ZFHX3: variants seen among roughly 807,000 people sequenced by gnomAD.
ZFHX3 encodes the protein zinc finger homeobox protein 3.
In ZFHX3, 42 loss-of-function variants were observed where a neutral mutation model predicts 279.1. The ratio of observed to expected loss-of-function variants is 0.15; its 90% confidence interval spans 0.12 to 0.19. The LOEUF is 0.19. Ranked by LOEUF, ZFHX3 falls within the 10% of genes least tolerant of loss-of-function variation. ZFHX3 has a pLI of 1.00. For synonymous variants in ZFHX3, 2,293 were observed against 1,957.8 expected, an observed-to-expected ratio of 1.17 and a Z score of -4.52; for missense variants, 4,981 against 4,754.0, an observed-to-expected ratio of 1.05 and a Z score of -1.40.
intron 8 of ZFHX3, among the ~76,000 whole-genome samples, chr16:73,074,567 G>GGATAATGAGAAT (rs1243440872): frequency 6.6e-6 from 1 of 152,108 alleles, no homozygotes; most frequent in Non-Finnish European, 1.5e-5. Flanking sequence ...GGGGAAGAGA[G>GGATAATGAGAAT]GATAATGAGA....
intron 3 of ZFHX3, among the ~76,000 whole-genome samples, chr16:73,375,924 G>T (rs548971396): frequency 6.6e-6 from 1 of 152,242 alleles, no homozygotes; most frequent in African/African-American, 2.4e-5. Context: ...TGGATACACC[G>T]TTGGGTTCAT....
intron 4 of ZFHX3, among the ~76,000 whole-genome samples, chr16:73,273,148 G>C (rs1004816174): frequency 2.2e-4 from 33 of 152,154 alleles, no homozygotes; most frequent in African/African-American, 7.7e-4. Flanking sequence ...AAACTGATAA[G>C]GGTGTTCTAA....
intron 1 of ZFHX3, among the ~76,000 whole-genome samples, chr16:73,028,675 G>A (rs1038466462): frequency 1.3e-5 from 2 of 152,186 alleles, no homozygotes; most frequent in Non-Finnish European, 1.5e-5. Flanking sequence ...GACCCCCACT[G>A]GTGGCTCTCC....
chr16:73,543,132 C>A (rs111458744), intron 2 of ZFHX3, among the ~76,000 whole-genome samples: 2,180 of 152,224 alleles, frequency 0.014, 57 homozygotes, highest in African/African-American at 0.049. Flanking sequence ...TCTAACAGAG[C>A]GCACACAGGT....
At chr16:73,560,755 G>A (rs900642222) in intron 2 of ZFHX3, among the ~76,000 whole-genome samples, 9 of 152,162 alleles carry the variant, frequency 5.9e-5, no homozygotes, top group Admixed American at 5.2e-4. Flanking sequence ...ATGGGAAGGG[G>A]ATACAGCTGT....
At chr16:73,010,043 A>AAAAAAAAAAAC (rs1963858694) in intron 1 of ZFHX3, among the ~76,000 whole-genome samples, 2 of 149,372 alleles carry the variant, frequency 1.3e-5, no homozygotes, top group Non-Finnish European at 3.0e-5. Flanking sequence ...AAAAAAAAAA[A>AAAAAAAAAAAC]CTCATAAAGG....
chr16:73,448,364 G>A (rs755961513), intron 3 of ZFHX3, among the ~76,000 whole-genome samples: 15 of 152,066 alleles, frequency 9.9e-5, no homozygotes, highest in Non-Finnish European at 4.4e-5. Context: ...CAAACTAAGT[G>A]GTAAGCTATT....
chr16:73,537,889 T>C (rs2019935586), intron 2 of ZFHX3, among the ~76,000 whole-genome samples: 1 of 152,238 alleles, frequency 6.6e-6, no homozygotes, highest in Non-Finnish European at 1.5e-5. Context: ...CACAAAGTAG[T>C]ATCTTGGAAT....
intron 5 of ZFHX3, among the ~76,000 whole-genome samples, chr16:73,193,724 C>G (rs1194297773): frequency 6.6e-6 from 1 of 152,182 alleles, no homozygotes; most frequent in Admixed American, 6.5e-5. Flanking sequence ...ACTATGGGGC[C>G]AGACCCTGGT....
chr16:73,113,793 CTTTTTTTTTTT>C (rs71391487), intron 7 of ZFHX3, among the ~76,000 whole-genome samples: 2 of 102,988 alleles, frequency 1.9e-5, no homozygotes, highest in African/African-American at 3.8e-5. Context: ...TTTTTGGAAA[CTTTTTTTTTTT>C]TTTTTTTTTA....
chr16:73,217,692 A>G (rs1030145693), intron 5 of ZFHX3, among the ~76,000 whole-genome samples: 6 of 152,158 alleles, frequency 3.9e-5, no homozygotes, highest in African/African-American at 1.2e-4. Context: ...GTCAATATAC[A>G]TAATATTATT....
chr16:72,825,010 A>T (rs1184362480), intron 5 of ZFHX3, among the ~76,000 whole-genome samples: 1 of 152,250 alleles, frequency 6.6e-6, no homozygotes, highest in African/African-American at 2.4e-5. Flanking sequence ...TTCCTTGACA[A>T]GATGTGCCCG....
intron 1 of ZFHX3, among the ~76,000 whole-genome samples, chr16:73,687,042 A>ATAT (rs2053094823): frequency 1.2e-5 from 1 of 81,460 alleles, no homozygotes; most frequent in African/African-American, 4.9e-5. Context: ...ATATATATAT[A>ATAT]TATATATATA....
intron 8 of ZFHX3, among the ~76,000 whole-genome samples, chr16:73,072,270 C>A (rs1049834633): frequency 6.6e-6 from 1 of 152,026 alleles, no homozygotes; most frequent in Admixed American, 6.5e-5. Flanking sequence ...CACAGTGAAA[C>A]GCCATTGCTA....
At chr16:72,874,045 C>G (rs2038234460) in intron 4 of ZFHX3, among the ~76,000 whole-genome samples, 1 of 152,076 alleles carries the variant, frequency 6.6e-6, no homozygotes, top group Admixed American at 6.6e-5. Flanking sequence ...TGCCCGAGGA[C>G]AGTCATATGA....
chr16:73,667,258 G>A (rs1218953534), intron 2 of ZFHX3, among the ~76,000 whole-genome samples: 1 of 152,198 alleles, frequency 6.6e-6, no homozygotes, highest in Non-Finnish European at 1.5e-5. Flanking sequence ...CCAAAGGGCT[G>A]TGATTACAGG....
intron 5 of ZFHX3, among the ~76,000 whole-genome samples, chr16:73,201,777 A>G (rs1319559921): frequency 6.6e-6 from 1 of 152,244 alleles, no homozygotes; most frequent in East Asian, 1.9e-4. Flanking sequence ...GAATTACATG[A>G]AATCTCCTTA....
rs185765004 is a variant in ZFHX3, at chr16:73,646,599, G to C, written c.-1547+33581C>G. Among the ~76,000 whole-genome samples the C allele has an allele frequency of 2.6e-3, 390 of 152,184 alleles. 6 individuals are homozygous for C. The highest frequency in any genetic ancestry group is 0.022 in the Admixed American group (335 of 15,284). ...AGAAAGGAAAGACAATTAATATTAG[G>C]AAATAGAAAAGGCACTTATCTGTTC... On this transcript the variant is annotated intron_variant, in intron 2 of 17. Coordinates refer to the ZFHX3 transcript ENST00000641206.
intron 8 of ZFHX3, among the ~76,000 whole-genome samples, chr16:73,088,007 T>C (rs921227975): frequency 3.9e-5 from 6 of 152,128 alleles, no homozygotes; most frequent in Non-Finnish European, 8.8e-5. Flanking sequence ...TTTGTATTTT[T>C]AGTAGAGATG....
Sources: allele counts gnomAD v4.1 joint callset (sites outside exome capture counted in the v4.1 genomes callset), GRCh38; gene constraint gnomAD v4.1.1; transcripts MANE v1.5; gene names NCBI Gene and HGNC (gene_info 2026-07-23, HGNC 2026-07-21).